MARCHF11: variants seen among roughly 807,000 people sequenced by gnomAD.
The protein encoded by MARCHF11 is membrane associated ring-CH-type finger 11, also known as E3 ubiquitin-protein ligase MARCHF11.
MARCHF11 carries 29 observed loss-of-function variants against 37.3 expected under a neutral mutation model. The observed-to-expected ratio is 0.78, with a 90% confidence interval of 0.58 to 1.06. The LOEUF is 1.06. Ranked by LOEUF, MARCHF11 falls within the 50% of genes least tolerant of loss-of-function variation. MARCHF11 has a pLI of 0.00. For synonymous variants in MARCHF11, 233 were observed against 228.0 expected, an observed-to-expected ratio of 1.02 and a Z score of -0.20; for missense variants, 482 against 533.4, an observed-to-expected ratio of 0.90 and a Z score of 0.95.
intron 2 of MARCHF11, among the ~76,000 whole-genome samples, chr5:16,121,323 T>A (rs1351303103): frequency 6.6e-6 from 1 of 152,232 alleles, no homozygotes; most frequent in Non-Finnish European, 1.5e-5. Flanking sequence ...TCATTTTTAA[T>A]ATGCCTTGCC....
chr5:16,167,795 C>T (rs892647936), intron 2 of MARCHF11, among the ~76,000 whole-genome samples: 4 of 152,036 alleles, frequency 2.6e-5, no homozygotes, highest in Non-Finnish European at 5.9e-5. Context: ...AGCAGAGGCC[C>T]TGCTTGTTTT....
chr5:16,093,967 T>C (rs1362990363), intron 2 of MARCHF11, among the ~76,000 whole-genome samples: 2 of 152,318 alleles, frequency 1.3e-5, no homozygotes, highest in East Asian at 3.9e-4. Context: ...AATGCAAATA[T>C]GCAAATGTGT....
intron 2 of MARCHF11, among the ~76,000 whole-genome samples, chr5:16,091,839 T>A (rs1736795352): frequency 6.6e-6 from 1 of 152,198 alleles, no homozygotes; most frequent in Admixed American, 6.5e-5. Flanking sequence ...TGATCAAAAA[T>A]CCTTCAAGAC....
At chr5:16,171,095 T>TTTTATTTA (rs761405833) in intron 2 of MARCHF11, among the ~76,000 whole-genome samples, 31 of 152,188 alleles carry the variant, frequency 2.0e-4, no homozygotes, top group African/African-American at 7.0e-4. Flanking sequence ...ATAGCATTTC[T>TTTTATTTA]TTTATTTATT....
chr5:16,126,446 C>T (rs899796148), intron 2 of MARCHF11, among the ~76,000 whole-genome samples: 1 of 152,112 alleles, frequency 6.6e-6, no homozygotes, highest in African/African-American at 2.4e-5. Flanking sequence ...GTACTTTATT[C>T]CAAGTTATAA....
At chr5:16,136,605 T>C (rs1231504161) in intron 2 of MARCHF11, among the ~76,000 whole-genome samples, 3 of 152,186 alleles carry the variant, frequency 2.0e-5, no homozygotes, top group South Asian at 2.1e-4. Context: ...GGCTATGCTA[T>C]GACAAATGTA....
chr5:16,125,937 C>T (rs1017908618), intron 2 of MARCHF11, among the ~76,000 whole-genome samples: 2 of 152,118 alleles, frequency 1.3e-5, no homozygotes, highest in Non-Finnish European at 2.9e-5. Flanking sequence ...GTAGATACTA[C>T]GTCAATGTAA....
intron 2 of MARCHF11, among the ~76,000 whole-genome samples, chr5:16,122,183 A>G (rs1737319584): frequency 6.6e-6 from 1 of 152,192 alleles, no homozygotes; most frequent in South Asian, 2.1e-4. Context: ...TTATTCAGAA[A>G]TTTGACAGAA....
At chr5:16,127,038 G>A (rs1737420728) in intron 2 of MARCHF11, among the ~76,000 whole-genome samples, 1 of 152,156 alleles carries the variant, frequency 6.6e-6, no homozygotes, top group South Asian at 2.1e-4. Context: ...TCCAAATAAT[G>A]AGTTATGGTG....
chr5:16,149,442 T>G (rs1737854063), intron 2 of MARCHF11, among the ~76,000 whole-genome samples: 1 of 152,088 alleles, frequency 6.6e-6, no homozygotes, highest in Non-Finnish European at 1.5e-5. Flanking sequence ...CATTGCTGGT[T>G]GGAATATGAA....
At chr5:16,125,656 T>C (rs1284561207) in intron 2 of MARCHF11, among the ~76,000 whole-genome samples, 1 of 145,614 alleles carries the variant, frequency 6.9e-6, no homozygotes, top group African/African-American at 2.8e-5. Flanking sequence ...TGTGTGTGTG[T>C]GTGTGTGTGT....
chr5:16,133,531 A>T (rs1025841709), intron 2 of MARCHF11, among the ~76,000 whole-genome samples: 56 of 152,328 alleles, frequency 3.7e-4, no homozygotes, highest in African/African-American at 1.3e-3. Context: ...ACAAAGAATT[A>T]TTGTTGTAAG....
chr5:16,107,903 A>C (rs933968467), intron 2 of MARCHF11, among the ~76,000 whole-genome samples: 1 of 151,814 alleles, frequency 6.6e-6, no homozygotes, highest in South Asian at 2.1e-4. Context: ...TCATCTTCCC[A>C]CTCCATCCCC....
chr5:16,172,764 C>T (rs1429336918), intron 2 of MARCHF11, among the ~76,000 whole-genome samples: 1 of 152,118 alleles, frequency 6.6e-6, no homozygotes, highest in African/African-American at 2.4e-5. Context: ...GATGGAGCCC[C>T]ATTTAGAAAA....
intron 2 of MARCHF11, among the ~76,000 whole-genome samples, chr5:16,166,290 T>C (rs1738167145): frequency 6.6e-6 from 1 of 152,056 alleles, no homozygotes; most frequent in Non-Finnish European, 1.5e-5. Flanking sequence ...TGAGGTCTGG[T>C]GCCAGGTGAG....
intron 2 of MARCHF11, among the ~76,000 whole-genome samples, chr5:16,094,719 G>C (rs1239220408): frequency 6.6e-6 from 1 of 152,062 alleles, no homozygotes; most frequent in East Asian, 1.9e-4. Context: ...TTCATGTACT[G>C]TTTCCAGCAA....
At position 16,177,758 on chromosome 5, in the gene MARCHF11, C is replaced by T; in HGVS notation, c.661G>A (p.Val221Ile). The change falls in exon 2 of 4, where the codon GTT becomes ATT. Residue 221 changes from valine to isoleucine, a missense_variant. Val to Ile is a conservative substitution (Grantham distance 29). Transcript: ENST00000332432. Reference sequence around the variant, plus strand: ...GGTTGTTTCATTTTAATGGCTATAACATGGTATCTATAACAGCAAAGTTCA... The same window carrying T: ...GGTTGTTTCATTTTAATGGCTATAATATGGTATCTATAACAGCAAAGTTCA... Reference protein sequence around the residue: ...TCELCCYRYHVIAIKMKQPCQ... With the variant: ...TCELCCYRYHIIAIKMKQPCQ... The T allele has an allele frequency of 6.2e-7, 1 of 1,611,748 alleles. No homozygotes were observed. Among genetic ancestry groups the T allele is most frequent in the South Asian group, 1.1e-5 (1 of 90,486 alleles).
intron 2 of MARCHF11, among the ~76,000 whole-genome samples, chr5:16,094,662 T>C (rs2126559339): frequency 6.6e-6 from 1 of 152,306 alleles, no homozygotes; most frequent in African/African-American, 2.4e-5. Flanking sequence ...ATATGTGTGA[T>C]TCTTTCATAT....
intron 2 of MARCHF11, chr5:16,141,531 T>G (rs1042444691): frequency 1.3e-5 from 2 of 152,156 alleles, no homozygotes; most frequent in Non-Finnish European, 2.9e-5. Flanking sequence ...AGCTCAGCCA[T>G]CTTCTGTTGG....
Sources: allele counts gnomAD v4.1 joint callset (sites outside exome capture counted in the v4.1 genomes callset), GRCh38; gene constraint gnomAD v4.1.1; transcripts MANE v1.5; gene names NCBI Gene and HGNC (gene_info 2026-07-23, HGNC 2026-07-21).